Variants in PTCHD4 observed in about 807,000 individuals in gnomAD.
PTCHD4 encodes patched domain containing 4.
Under a neutral mutation model 58.1 loss-of-function variants are expected in PTCHD4, and 33 were observed. The ratio of observed to expected loss-of-function variants is 0.57; its 90% CI spans 0.43 to 0.76. The LOEUF (loss-of-function observed/expected upper bound fraction) is 0.76. Ranked by LOEUF, PTCHD4 falls within the 30% of genes least tolerant of loss-of-function variation. The pLI is 0.00. For missense variants in PTCHD4, 1,058 were observed against 1,027.1 expected, an observed-to-expected ratio of 1.03 and a Z score of -0.41; for synonymous variants, 478 against 409.6, an observed-to-expected ratio of 1.17 and a Z score of -2.02.
In PTCHD4 at chr6:47,878,848, A is replaced by G. The variant is rs1329905195; in HGVS notation, c.1987T>C (p.Phe663Leu). 3.1e-6 allele frequency: 5 copies of G among 1,613,654 alleles called. No homozygotes were observed. Among genetic ancestry groups the G allele is most frequent in the Non-Finnish European group, 4.2e-6 (5 of 1,179,766 alleles). The change falls in exon 5 of 5, where the codon TTT (phenylalanine) becomes CTT (leucine). Residue 663 changes from phenylalanine (F) to leucine (L), a missense_variant. Coordinates refer to ENST00000339488, the MANE Select transcript of PTCHD4 (RefSeq NM_001384253.1). The part of the protein sequence containing the change: ...SVTVPVLIAG[F>L]GVLLVLILTF... ...AGGATTAACACCAGGAGAACACCAAAGCCTGCAATCAGAACAGGCACTGTG... is the reference window on the plus strand; with the variant it reads ...AGGATTAACACCAGGAGAACACCAAGGCCTGCAATCAGAACAGGCACTGTG...
At chr6:48,054,743 T>A (rs1240926363) in intron 3 of PTCHD4, among the ~76,000 whole-genome samples, 1 of 152,126 alleles carries the variant, frequency 6.6e-6, no homozygotes, top group African/African-American at 2.4e-5. Flanking sequence ...AAAAATAACA[T>A]GCACCCTATG....
chr6:47,890,861 T>A (rs1305761499), intron 4 of PTCHD4: 19 of 979,440 alleles, frequency 1.9e-5, no homozygotes, highest in Non-Finnish European at 2.1e-5. Context: ...ATAGCCACTA[T>A]CAGGAAGTTT....
At chr6:47,931,795 G>T (rs1765832302) in intron 4 of PTCHD4, among the ~76,000 whole-genome samples, 1 of 151,548 alleles carries the variant, frequency 6.6e-6, no homozygotes, top group South Asian at 2.1e-4. Context: ...TAATGATTAT[G>T]CTCATCTCTT....
chr6:48,013,636 G>T (rs567666373), intron 3 of PTCHD4, among the ~76,000 whole-genome samples: 2 of 152,032 alleles, frequency 1.3e-5, no homozygotes, highest in African/African-American at 4.8e-5. Flanking sequence ...CCCCAATTAG[G>T]CGCATTTATT....
At chr6:47,986,094 G>T (rs900348773) in intron 4 of PTCHD4, among the ~76,000 whole-genome samples, 3 of 152,092 alleles carry the variant, frequency 2.0e-5, no homozygotes, top group African/African-American at 7.2e-5. Context: ...ACCCCTGTTT[G>T]TAGAACTTTT....
intron 4 of PTCHD4, among the ~76,000 whole-genome samples, chr6:47,970,429 A>T (rs1395039656): frequency 6.6e-6 from 1 of 152,158 alleles, no homozygotes; most frequent in African/African-American, 2.4e-5. Flanking sequence ...CAAGTTGCAG[A>T]ATCTTAGAAA....
At chr6:48,072,181 C>T (rs917451368) in intron 1 of PTCHD4, among the ~76,000 whole-genome samples, 11 of 152,094 alleles carry the variant, frequency 7.2e-5, no homozygotes, top group Admixed American at 5.9e-4. Flanking sequence ...CTCCTTCCTC[C>T]TTAAGGTTGG....
intron 4 of PTCHD4, among the ~76,000 whole-genome samples, chr6:47,949,414 C>A (rs1766547097): frequency 1.3e-5 from 2 of 152,154 alleles, no homozygotes; most frequent in African/African-American, 4.8e-5. Context: ...CAGTATATCT[C>A]TGTGTCCCTT....
intron 3 of PTCHD4, among the ~76,000 whole-genome samples, chr6:48,021,509 C>T (rs1562011485): frequency 6.6e-6 from 1 of 152,066 alleles, no homozygotes; most frequent in African/African-American, 2.4e-5. Flanking sequence ...CATTTGTTTT[C>T]TTTAATTTCA....
chr6:48,010,246 C>T (rs756098502), intron 3 of PTCHD4, among the ~76,000 whole-genome samples: 37 of 152,210 alleles, frequency 2.4e-4, no homozygotes, highest in Middle Eastern at 3.4e-3. Context: ...GTCAACTGAA[C>T]CTGCCAAGAT....
At chr6:48,053,241 T>C (rs914108156) in intron 3 of PTCHD4, among the ~76,000 whole-genome samples, 2 of 152,112 alleles carry the variant, frequency 1.3e-5, no homozygotes, top group Admixed American at 1.3e-4. Context: ...GTCAAGTAAG[T>C]CTTGTTTAAG....
At chr6:47,968,147 T>C (rs1464983003) in intron 4 of PTCHD4, among the ~76,000 whole-genome samples, 2 of 152,162 alleles carry the variant, frequency 1.3e-5, no homozygotes, top group African/African-American at 4.8e-5. Context: ...ATAGAGGTCA[T>C]TGCAGGGTTA....
chr6:48,077,317 T>C (rs1765079513), intron 1 of PTCHD4, among the ~76,000 whole-genome samples: 1 of 152,242 alleles, frequency 6.6e-6, no homozygotes, highest in Middle Eastern at 3.2e-3. Flanking sequence ...AGCAGGACAT[T>C]GACTTCTCCT....
chr6:47,907,720 GA>G (rs1300985303), intron 4 of PTCHD4, among the ~76,000 whole-genome samples: 2 of 152,072 alleles, frequency 1.3e-5, no homozygotes, highest in Admixed American at 1.3e-4. Context: ...AAAACATCAT[GA>G]AAAAAACCAT....
chr6:48,078,313 G>C (rs1562041758), intron 1 of PTCHD4, among the ~76,000 whole-genome samples: 1 of 152,138 alleles, frequency 6.6e-6, no homozygotes, highest in Non-Finnish European at 1.5e-5. Context: ...ATTGGGAGTG[G>C]CCCACCACTC....
Position 47,862,151 on chromosome 6 carries a change from A to G in PTCHD4, c.*16152T>C, listed in dbSNP as rs1252278625. Among the ~76,000 whole-genome samples the G allele has an allele frequency of 6.6e-6, 1 of 151,848 alleles. No homozygotes were observed. Among genetic ancestry groups the G allele is most frequent in the Non-Finnish European group, 1.5e-5 (1 of 67,830 alleles). ...TGGAGTTTCAGCACTTCTTTATTGT[A>G]TAGGTATGACCAAGTTGGCCTTTAG... On this transcript the variant is annotated 3_prime_UTR_variant, in exon 5 of 5. Coordinates refer to ENST00000339488, the MANE Select transcript of PTCHD4 (RefSeq NM_001384253.1).
intron 1 of PTCHD4, among the ~76,000 whole-genome samples, chr6:48,088,247 A>G (rs1419617822): frequency 6.6e-6 from 1 of 152,106 alleles, no homozygotes; most frequent in African/African-American, 2.4e-5. Flanking sequence ...CCCGTTTGGA[A>G]GGGTGGGTCC....
chr6:47,914,382 T>C (rs148874016), intron 4 of PTCHD4, among the ~76,000 whole-genome samples: 12 of 152,218 alleles, frequency 7.9e-5, no homozygotes, highest in African/African-American at 2.6e-4. Context: ...GTTCTCAATG[T>C]GGATGGGCCT....
chr6:47,952,499 C>T (rs979054822), intron 4 of PTCHD4, among the ~76,000 whole-genome samples: 3 of 152,038 alleles, frequency 2.0e-5, no homozygotes, highest in African/African-American at 7.2e-5. Context: ...ATATACCGCC[C>T]CCCATGCAAC....
Sources: gnomAD v4.1 joint callset for allele counts (sites outside exome capture counted in the v4.1 genomes callset) on GRCh38, gnomAD v4.1.1 for gene constraint, MANE v1.5 for transcripts, NCBI Gene and HGNC (gene_info 2026-07-23, HGNC 2026-07-21) for gene names.